Variants in CALCR observed in about 807,000 individuals in gnomAD.
CALCR encodes the protein calcitonin receptor.
Under a neutral mutation model 59.5 loss-of-function variants are expected in CALCR, and 47 were observed. The ratio of observed to expected loss-of-function variants is 0.79; its 90% CI spans 0.63 to 1.01. CALCR has a LOEUF of 1.01. CALCR is among the 50% of genes least tolerant of loss of function. The pLI, the probability that CALCR is intolerant of heterozygous loss-of-function variation, is 0.00. For synonymous variants in CALCR, 213 were observed against 211.3 expected (o/e 1.01, Z -0.07); for missense variants, 566 against 597.1 (o/e 0.95, Z 0.54).
At chr7:93,430,136 T>C (rs1448197334) in intron 13 of CALCR, among the ~76,000 whole-genome samples, 4 of 151,868 alleles carry the variant, frequency 2.6e-5, no homozygotes, top group South Asian at 4.2e-4. Context: ...GGGGCTTCAC[T>C]GTGTTAGCCA....
chr7:93,541,218 G>C (rs1439893582), intron 2 of CALCR, among the ~76,000 whole-genome samples: 1 of 152,124 alleles, frequency 6.6e-6, no homozygotes, highest in Non-Finnish European at 1.5e-5. Flanking sequence ...TGTGTCGCCA[G>C]GCTGGAGTGC....
intron 2 of CALCR, among the ~76,000 whole-genome samples, chr7:93,570,845 A>G (rs1258151937): frequency 6.6e-6 from 1 of 152,202 alleles, no homozygotes; most frequent in Non-Finnish European, 1.5e-5. Flanking sequence ...CTTAAAAACA[A>G]AACCAAAACT....
At chr7:93,493,408 C>T (rs1252940034) in intron 2 of CALCR, among the ~76,000 whole-genome samples, 1 of 151,422 alleles carries the variant, frequency 6.6e-6, no homozygotes, top group Non-Finnish European at 1.5e-5. Context: ...ATTCCACTCA[C>T]TTCTTCATTC....
intron 2 of CALCR, among the ~76,000 whole-genome samples, chr7:93,523,777 T>C (rs1010995100): frequency 1.3e-5 from 2 of 152,154 alleles, no homozygotes; most frequent in Non-Finnish European, 2.9e-5. Context: ...AAAATTCGGG[T>C]CAATATAAAG....
Position 93,488,582 on chromosome 7 carries a change from G to GCAAAAAAAAAAAAAAAAAAAA in CALCR, c.-26-1576_-26-1575insTTTTTTTTTTTTTTTTTTTTG, listed in dbSNP as rs770479251. 4.4e-4 allele frequency among the ~76,000 whole-genome samples: 34 copies of GCAAAAAAAAAAAAAAAAAAAA among 78,020 alleles called. 4 individuals carry two copies. Among genetic ancestry groups the GCAAAAAAAAAAAAAAAAAAAA allele is most frequent in the Admixed American group, 6.0e-4 (4 of 6,696 alleles). The allele number at this position is 78,020 out of a possible 152,430, so 51.2% of individuals were successfully genotyped here. On this transcript the variant is annotated intron_variant, in intron 2 of 13. Transcript: ENST00000426151. ...GGAAAATTTACCAAGCAAATGGAAAGAAAAAAAAAAAAAAAAAAAGCATGG... is the reference window on the plus strand; with the variant it reads ...GGAAAATTTACCAAGCAAATGGAAAGCAAAAAAAAAAAAAAAAAAAAAAAAAAAAAAAAAAAAAAAGCATGG...
At chr7:93,468,948 A>T (rs913014330) in intron 6 of CALCR, 142 bp from the exon 7 acceptor site, 3 of 467,420 alleles carry the variant, frequency 6.4e-6, no homozygotes, top group Non-Finnish European at 1.1e-5. Context: ...AATATTTCAG[A>T]TAGTGAAATT....
chr7:93,488,751 C>G (rs898441103), intron 2 of CALCR, among the ~76,000 whole-genome samples: 1 of 151,598 alleles, frequency 6.6e-6, no homozygotes, highest in African/African-American at 2.4e-5. Flanking sequence ...CAGGAGCACC[C>G]AGATTCATAA....
At chr7:93,532,089 A>T (rs1788855986) in intron 2 of CALCR, among the ~76,000 whole-genome samples, 1 of 152,106 alleles carries the variant, frequency 6.6e-6, no homozygotes. Context: ...CTATCTATTG[A>T]TAGCCATAAA....
chr7:93,525,172 TTTTAGAAGTCACTTAAACATTCC>T (rs1801850639), intron 2 of CALCR, among the ~76,000 whole-genome samples: 1 of 152,198 alleles, frequency 6.6e-6, no homozygotes, highest in Non-Finnish European at 1.5e-5. Flanking sequence ...CATAATAATA[TTTTAGAAGTCACTTAAACATTCC>T]TATCTTCCCT....
intron 2 of CALCR, among the ~76,000 whole-genome samples, chr7:93,489,352 G>C (rs1410251682): frequency 6.6e-6 from 1 of 151,840 alleles, no homozygotes; most frequent in Non-Finnish European, 1.5e-5. Context: ...ACAATTAAAA[G>C]AGCTAGAGAG....
chr7:93,475,385 A>C (rs1057272361), intron 5 of CALCR, among the ~76,000 whole-genome samples: 8 of 151,814 alleles, frequency 5.3e-5, no homozygotes, highest in African/African-American at 1.4e-4. Context: ...GACATTAACA[A>C]CATGTGAAAA....
intron 2 of CALCR, among the ~76,000 whole-genome samples, chr7:93,547,697 A>G (rs1789327808): frequency 6.6e-6 from 1 of 152,182 alleles, no homozygotes; most frequent in Admixed American, 6.5e-5. Context: ...CCACGCAATT[A>G]TGTTTCCTCA....
At chr7:93,550,348 G>T (rs10245680) in intron 2 of CALCR, among the ~76,000 whole-genome samples, 2 of 151,396 alleles carry the variant, frequency 1.3e-5, no homozygotes, top group Non-Finnish European at 2.9e-5. Context: ...AAAATTAGCC[G>T]GGCCTGGTGG....
chr7:93,568,477 G>A lies in CALCR; in HGVS notation c.-27+5812C>T, dbSNP rs182933291. 6.9e-5 allele frequency among the ~76,000 whole-genome samples: 10 copies of A among 144,782 alleles called. No individual in the cohort carries two copies. In the East Asian group the frequency reaches 1.3e-3, roughly 19 times the overall value. The allele number at this position is 144,782 out of a possible 152,430, so 95.0% of individuals were successfully genotyped here. ...CTGGTAACATCCCGCATGAGTGCTC[G>A]CTTTCTCCTCCCTGGTTTCCATAAA... On this transcript the variant is annotated intron_variant, in intron 2 of 13. Coordinates refer to ENST00000426151, the MANE Select transcript of CALCR (RefSeq NM_001742.4).
intron 2 of CALCR, among the ~76,000 whole-genome samples, chr7:93,553,464 T>C (rs1432548159): frequency 6.6e-6 from 1 of 151,900 alleles, no homozygotes; most frequent in Non-Finnish European, 1.5e-5. Context: ...CATAGAAAGA[T>C]GTTAATGAAA....
intron 2 of CALCR, among the ~76,000 whole-genome samples, chr7:93,563,518 T>C (rs1243262610): frequency 6.6e-6 from 1 of 152,202 alleles, no homozygotes; most frequent in Non-Finnish European, 1.5e-5. Flanking sequence ...ATGAATGAGA[T>C]GTCAACCTGG....
At chr7:93,544,847 T>C (rs916727754) in intron 2 of CALCR, among the ~76,000 whole-genome samples, 1 of 152,168 alleles carries the variant, frequency 6.6e-6, no homozygotes, top group Non-Finnish European at 1.5e-5. Context: ...AAGATATTTA[T>C]GTCACTGTGA....
chr7:93,545,262 T>A (rs1429139335), intron 2 of CALCR, among the ~76,000 whole-genome samples: 5 of 152,128 alleles, frequency 3.3e-5, no homozygotes, highest in South Asian at 2.1e-4. Flanking sequence ...TTGCTTTTCA[T>A]GTTACATAGA....
chr7:93,534,257 GTAT>G (rs1788926369), intron 2 of CALCR, among the ~76,000 whole-genome samples: 1 of 151,748 alleles, frequency 6.6e-6, no homozygotes, highest in Admixed American at 6.6e-5. Flanking sequence ...TACAAGATAT[GTAT>G]TATTATCTCC....
Sources: gnomAD v4.1 joint callset for allele counts (sites outside exome capture counted in the v4.1 genomes callset) on GRCh38, gnomAD v4.1.1 for gene constraint, MANE v1.5 for transcripts, NCBI Gene and HGNC (gene_info 2026-07-23, HGNC 2026-07-21) for gene names.